Variants in DDR2 observed in about 807,000 individuals in gnomAD.
The protein encoded by DDR2 is discoidin domain-containing receptor 2.
DDR2 carries 27 observed loss-of-function variants against 94.9 expected under a neutral mutation model. That is an observed-to-expected ratio of 0.28 (90% confidence interval 0.21 to 0.39). The LOEUF is 0.39. DDR2 is among the 10% of genes least tolerant of loss of function. DDR2 has a pLI of 1.00. For missense variants in DDR2, 783 were observed against 1,076.0 expected, an observed-to-expected ratio of 0.73 and a Z score of 3.81; for synonymous variants, 382 against 377.2, an observed-to-expected ratio of 1.01 and a Z score of -0.15.
chr1:162,673,555 G>C (rs544228126), intron 2 of DDR2, among the ~76,000 whole-genome samples: 1 of 150,850 alleles, frequency 6.6e-6, no homozygotes, highest in South Asian at 2.1e-4. Context: ...TGCATGGGTA[G>C]CTGATTATCA....
intron 2 of DDR2, among the ~76,000 whole-genome samples, chr1:162,658,747 G>C (rs1221468226): frequency 1.3e-5 from 2 of 150,950 alleles, no homozygotes; most frequent in Admixed American, 1.3e-4. Context: ...AGAATGGTTT[G>C]AGCCTGGGAG....
chr1:162,691,951 A>G (rs1659979147), intron 2 of DDR2, among the ~76,000 whole-genome samples: 1 of 152,208 alleles, frequency 6.6e-6, no homozygotes, highest in East Asian at 1.9e-4. Flanking sequence ...TAGGCTGCAA[A>G]CAAAGACAGG....
intron 1 of DDR2, among the ~76,000 whole-genome samples, chr1:162,642,492 G>A (rs1657190283): frequency 7.0e-6 from 1 of 143,728 alleles, no homozygotes; most frequent in African/African-American, 2.6e-5. Flanking sequence ...GTTTTTTCAT[G>A]TTGATTAGGC....
chr1:162,742,747 A>G (rs1332725170), intron 3 of DDR2, among the ~76,000 whole-genome samples: 1 of 152,184 alleles, frequency 6.6e-6, no homozygotes, highest in Non-Finnish European at 1.5e-5. Context: ...CAAGACTGGG[A>G]AGAAAAAGGG....
intron 2 of DDR2, among the ~76,000 whole-genome samples, chr1:162,669,965 C>CT (rs1658753397): frequency 6.6e-6 from 1 of 152,210 alleles, no homozygotes; most frequent in Non-Finnish European, 1.5e-5. Context: ...AAATTGGGAA[C>CT]TTTATCATTG....
At chr1:162,686,725 A>G (rs1659707624) in intron 2 of DDR2, among the ~76,000 whole-genome samples, 1 of 152,176 alleles carries the variant, frequency 6.6e-6, no homozygotes, top group African/African-American at 2.4e-5. Context: ...TCCTTTCGAT[A>G]TATACCCAGT....
At chr1:162,752,362 A>G (rs12023612) in intron 3 of DDR2, among the ~76,000 whole-genome samples, 15,837 of 152,244 alleles carry the variant, frequency 0.1, 1,196 homozygotes, top group African/African-American at 0.21. Context: ...CTCTCATGCC[A>G]GTAAGCTGAT....
intron 2 of DDR2, among the ~76,000 whole-genome samples, chr1:162,681,882 A>T (rs11577330): frequency 0.6 from 90,524 of 151,800 alleles, 30,584 homozygotes; most frequent in Middle Eastern, 0.8. Flanking sequence ...GGTTCACAGC[A>T]GAAGGGAGCC....
intron 3 of DDR2, among the ~76,000 whole-genome samples, chr1:162,725,298 A>G (rs1334778156): frequency 6.6e-6 from 1 of 152,218 alleles, no homozygotes; most frequent in Non-Finnish European, 1.5e-5. Flanking sequence ...TCCAGCAAGC[A>G]TGCTCTTTTC....
chr1:162,722,980 T>C (rs1661487887), intron 3 of DDR2, among the ~76,000 whole-genome samples: 1 of 152,190 alleles, frequency 6.6e-6, no homozygotes, highest in African/African-American at 2.4e-5. Flanking sequence ...ATGTGAAGTC[T>C]GAATTTCAGG....
chr1:162,666,938 A>G (rs886141199), intron 2 of DDR2, among the ~76,000 whole-genome samples: 3 of 150,128 alleles, frequency 2.0e-5, no homozygotes, highest in South Asian at 2.1e-4. Flanking sequence ...TCATGAATAT[A>G]TATATGCAAA....
chr1:162,669,861 C>G (rs1442544580), intron 2 of DDR2, among the ~76,000 whole-genome samples: 1 of 152,166 alleles, frequency 6.6e-6, no homozygotes, highest in East Asian at 1.9e-4. Context: ...TGTAACTGGG[C>G]TATTTTCTCT....
At position 162,780,543 on chromosome 1, in the gene DDR2, G is replaced by T. The variant is rs928627668; in HGVS notation, c.*297G>T. 5.6e-6 allele frequency: 2 copies of T among 355,142 alleles called. No homozygotes were observed. The highest frequency in any genetic ancestry group is 1.0e-5 in the Non-Finnish European group (2 of 193,920). The allele number at this position is 355,142 out of a possible 1,614,324, so 22.0% of individuals were successfully genotyped here. On this transcript the variant is annotated 3_prime_UTR_variant, in exon 18 of 18. Coordinates refer to ENST00000367921, the MANE Select transcript of DDR2 (RefSeq NM_006182.4). ...TGGATAACAAAGGCTAGAAAATTCA[G>T]ATAATTTATAAAGGTTAACTATACT...
At chr1:162,746,694 G>A (rs1190911908) in intron 3 of DDR2, among the ~76,000 whole-genome samples, 1 of 152,234 alleles carries the variant, frequency 6.6e-6, no homozygotes, top group Non-Finnish European at 1.5e-5. Context: ...TGACCCCCGA[G>A]TAGCCTAACT....
intron 2 of DDR2, among the ~76,000 whole-genome samples, chr1:162,659,884 C>T (rs1373390035): frequency 6.6e-6 from 1 of 152,214 alleles, no homozygotes; most frequent in Non-Finnish European, 1.5e-5. Flanking sequence ...AACTCTATTA[C>T]TGTCAGAGCA....
At chr1:162,726,679 C>T (rs1176326030) in intron 3 of DDR2, among the ~76,000 whole-genome samples, 1 of 152,142 alleles carries the variant, frequency 6.6e-6, no homozygotes, top group East Asian at 1.9e-4. Flanking sequence ...CACAAAGTCC[C>T]TTTTCTGGAC....
At chr1:162,753,693 C>T (rs115447052) in intron 4 of DDR2, among the ~76,000 whole-genome samples, 1,561 of 152,290 alleles carry the variant, frequency 0.01, 25 homozygotes, top group African/African-American at 0.036. Flanking sequence ...ATCTCTTACA[C>T]AGAAGGGCCA....
chr1:162,772,137 G>A lies in DDR2; in HGVS notation c.1618G>A (p.Val540Met). The A allele has an allele frequency of 6.2e-7, 1 of 1,614,222 alleles. No individual in the cohort carries two copies. Among genetic ancestry groups the A allele is most frequent in the Non-Finnish European group, 8.5e-7 (1 of 1,180,038 alleles). The part of the protein sequence containing the change: ...QGVTGGNTYS[V>M]PAVTMDLLSG... ...AGTGACAGGAGGCAACACATACTCA[G>A]TGCCTGCCGTCACCATGGACCTGCT... Residue 540 changes from valine (V) to methionine (M), a missense_variant, in exon 13 of 18, where the codon GTG becomes ATG. Around this residue, in one of 2 missense-constraint regions of DDR2, gnomAD observed 264 missense variants for 428.2 expected, o/e 0.62. Coordinates refer to ENST00000367921, the MANE Select transcript of DDR2 (RefSeq NM_006182.4).
chr1:162,666,567 A>C (rs1658579026), intron 2 of DDR2, among the ~76,000 whole-genome samples: 1 of 152,186 alleles, frequency 6.6e-6, no homozygotes, highest in African/African-American at 2.4e-5. Context: ...GCTGTTGAAA[A>C]AATGTGTGTG....
Sources: allele counts gnomAD v4.1 joint callset (sites outside exome capture counted in the v4.1 genomes callset), GRCh38; gene constraint gnomAD v4.1.1; regional missense constraint gnomAD v4.1.1; transcripts MANE v1.5; gene names NCBI Gene and HGNC (gene_info 2026-07-23, HGNC 2026-07-21).